The following SPIC variants were observed in gnomAD, a reference collection of about 807,000 sequenced individuals.
The protein encoded by SPIC is Spi-C transcription factor, also known as transcription factor Spi-C.
A neutral mutation model predicts 16.7 loss-of-function variants in SPIC; 9 were observed. That is an observed-to-expected ratio of 0.54 (90% CI 0.33 to 0.94). The LOEUF is 0.94. SPIC is among the 40% of genes least tolerant of loss of function. The pLI is 0.03. For synonymous variants in SPIC, 97 were observed against 102.9 expected (o/e 0.94, Z 0.35); for missense variants, 241 against 285.8 (o/e 0.84, Z 1.13).
chr12:101,486,573 C>T lies in SPIC; in HGVS notation c.549C>T (p.Thr183=). 1 of 1,614,084 alleles carries T rather than the reference C, an allele frequency of 6.2e-7. No homozygotes were observed. Among genetic ancestry groups the T allele is most frequent in the South Asian group, 1.1e-5 (1 of 91,072 alleles). ...LRNYGRSGEI[T]KIRRKLTYQF... ...ATTACGGAAGAAGTGGGGAAATTACCAAAATCCGGAGGAAGCTGACTTACC... is the reference window on the plus strand; with the variant it reads ...ATTACGGAAGAAGTGGGGAAATTACTAAAATCCGGAGGAAGCTGACTTACC... Residue 183 remains threonine (T), a synonymous_variant, in exon 6 of 6, where the codon ACC becomes ACT. Coordinates refer to ENST00000551346, the MANE Select transcript of SPIC (RefSeq NM_152323.3).
At chr12:101,483,962 A>G (rs1213036625) in intron 5 of SPIC, among the ~76,000 whole-genome samples, 5 of 151,742 alleles carry the variant, frequency 3.3e-5, no homozygotes, top group African/African-American at 4.8e-5. Context: ...CCTCACCAAT[A>G]CATTTTATTT....
At chr12:101,481,142 G>T (rs1279160296) in intron 4 of SPIC, among the ~76,000 whole-genome samples, 1 of 151,988 alleles carries the variant, frequency 6.6e-6, no homozygotes, top group African/African-American at 2.4e-5. Context: ...GTAGAAGCTT[G>T]GGCTGCTTCT....
In SPIC at chr12:101,482,772, C is replaced by T. The variant is rs750625652; in HGVS notation, c.211-20C>T. On this transcript the variant is annotated intron_variant, in intron 4 of 5. Coordinates refer to ENST00000551346, the MANE Select transcript of SPIC (RefSeq NM_152323.3). ...AACAGGGAAAGTCTCACTTAACATC[C>T]TGCTTCATTATTTATATAGAACAGT... 5 of 1,592,374 alleles carry T rather than the reference C, an allele frequency of 3.1e-6. No individual in the cohort carries two copies. Among genetic ancestry groups the T allele is most frequent in the Non-Finnish European group, 8.6e-7 (1 of 1,169,260 alleles).
chr12:101,479,567 C>A lies in SPIC; in HGVS notation c.98-15C>A, dbSNP rs377347931. The A allele has an allele frequency of 2.8e-5, 45 of 1,601,738 alleles. No individual in the cohort carries two copies. In the African/African-American group the frequency reaches 5.9e-4, roughly 21 times the overall value. On this transcript the variant is annotated splice_polypyrimidine_tract_variant and intron_variant, in intron 3 of 5. Transcript: ENST00000551346. ...ACTTTGACTTTTTTAGTTTCTTTCT[C>A]TGATTTAAAATTAGATTACAGAAAT... is the stretch of plus-strand genomic sequence containing the variant.
At chr12:101,480,535 A>G (rs564267457) in intron 4 of SPIC, among the ~76,000 whole-genome samples, 1 of 152,248 alleles carries the variant, frequency 6.6e-6, no homozygotes, top group Admixed American at 6.5e-5. Flanking sequence ...TTCTTCATGC[A>G]TCCATTTTAT....
intron 3 of SPIC, among the ~76,000 whole-genome samples, chr12:101,479,240 GAAA>G (rs1268905321): frequency 2.0e-4 from 11 of 56,308 alleles, no homozygotes; most frequent in South Asian, 5.8e-4. Context: ...AAGAAAGAAA[GAAA>G]AAGAAAGAAA....
intron 5 of SPIC, among the ~76,000 whole-genome samples, chr12:101,484,807 G>A (rs1453754358): frequency 1.3e-5 from 2 of 151,644 alleles, no homozygotes; most frequent in Non-Finnish European, 2.9e-5. Flanking sequence ...GGCAGAGGTT[G>A]CAGTGAGCCA....
rs200820966 is a variant in SPIC at position 101,479,576 on chromosome 12, A to T, written c.98-6A>T. 192 of 1,607,898 alleles carry T rather than the reference A, an allele frequency of 1.2e-4. 1 individual carries two copies. The African/African-American group carries it at 1.6e-3, about 13-fold the overall frequency. On this transcript the variant is annotated splice_polypyrimidine_tract_variant and splice_region_variant and intron_variant, in intron 3 of 5. Coordinates refer to ENST00000551346, the MANE Select transcript of SPIC (RefSeq NM_152323.3). ...TTTTTAGTTTCTTTCTCTGATTTAA[A>T]ATTAGATTACAGAAATTACCTGGCT...
At chr12:101,477,108 A>G (rs2121239108) in intron 2 of SPIC, among the ~76,000 whole-genome samples, 1 of 152,290 alleles carries the variant, frequency 6.6e-6, no homozygotes, top group South Asian at 2.1e-4. Context: ...TTAAACAACA[A>G]TTCATAGGTT....
chr12:101,478,689 C>A (rs1166755059), intron 3 of SPIC, among the ~76,000 whole-genome samples: 1 of 152,150 alleles, frequency 6.6e-6, no homozygotes, highest in Non-Finnish European at 1.5e-5. Flanking sequence ...ATCTTATAGA[C>A]CTTCCACCCA....
intron 3 of SPIC, 32 bp from the exon 4 acceptor site, chr12:101,479,549 CT>C: frequency 3.2e-6 from 5 of 1,564,176 alleles, no homozygotes; most frequent in Non-Finnish European, 3.5e-6. Context: ...CAAACTTTGA[CT>C]TTTTTAGTTT....
intron 4 of SPIC, 76 bp from the exon 5 acceptor site, chr12:101,482,716 T>C: frequency 2.9e-6 from 4 of 1,398,406 alleles, no homozygotes; most frequent in Non-Finnish European, 3.9e-6. Flanking sequence ...CTTTTTCCCC[T>C]AACTTTTGAC....
intron 3 of SPIC, among the ~76,000 whole-genome samples, chr12:101,478,642 T>G (rs1326396879): frequency 6.6e-6 from 1 of 152,246 alleles, no homozygotes; most frequent in Non-Finnish European, 1.5e-5. Context: ...CAGTTCATTT[T>G]AACTATTCAC....
At position 101,486,396 on chromosome 12, in the gene SPIC, G is replaced by A; in HGVS notation, c.372G>A (p.Pro124=). The change falls in exon 6 of 6, where the codon CCG becomes CCA. Residue 124 remains proline (P), a synonymous_variant. Coordinates refer to ENST00000551346, the MANE Select transcript of SPIC (RefSeq NM_152323.3). ...ACCTTCACGAATCCCTGTATAATCCGGAGATGGCATCTTGTATTCAGTGGG... is the reference window on the plus strand; with the variant it reads ...ACCTTCACGAATCCCTGTATAATCCAGAGATGGCATCTTGTATTCAGTGGG... ...FEYLHESLYN[P]EMASCIQWVD... 1.2e-6 allele frequency: 2 copies of A among 1,613,928 alleles called. No individual in the cohort carries two copies. Among genetic ancestry groups the A allele is most frequent in the Non-Finnish European group, 1.7e-6 (2 of 1,179,970 alleles).
intron 3 of SPIC, among the ~76,000 whole-genome samples, chr12:101,479,307 A>AGAAAG (rs1555209046): frequency 0.13 from 11,384 of 87,826 alleles, 1,573 homozygotes; most frequent in Non-Finnish European, 0.15. Flanking sequence ...AAAGAAAGAA[A>AGAAAG]AAAGAAAGAA....
rs762883614 is a variant in SPIC, at chr12:101,482,426, C to T, written c.211-366C>T. ...CATTACTTATTTTATTTTATCTTCC[C>T]AGCTGCCTACTGACATCTTTCTTTT... On this transcript the variant is annotated intron_variant, in intron 4 of 5. Coordinates refer to ENST00000551346, the MANE Select transcript of SPIC (RefSeq NM_152323.3). Among the ~76,000 whole-genome samples, 49 of 152,008 alleles carry T rather than the reference C, an allele frequency of 3.2e-4. 1 individual carries two copies. The highest frequency in any genetic ancestry group is 4.9e-4 in the Non-Finnish European group (33 of 68,004).
chr12:101,479,099 C>T (rs534224522), intron 3 of SPIC, among the ~76,000 whole-genome samples: 28 of 143,128 alleles, frequency 2.0e-4, no homozygotes, highest in African/African-American at 5.5e-4. Flanking sequence ...ATAACGTGGC[C>T]GCACTCCAGC....
intron 3 of SPIC, among the ~76,000 whole-genome samples, chr12:101,479,274 GA>G (rs1565831258): frequency 9.4e-5 from 8 of 85,082 alleles, no homozygotes; most frequent in African/African-American, 4.5e-4. Flanking sequence ...AAGAAAGAAA[GA>G]AAGAAAGAAA....
intron 3 of SPIC, among the ~76,000 whole-genome samples, chr12:101,479,222 A>AGAC (rs1873076401): frequency 3.1e-5 from 3 of 97,186 alleles, no homozygotes; most frequent in Non-Finnish European, 6.7e-5. Context: ...GAAAGAAAGA[A>AGAC]GGAAAGAAAG....
Sources: allele counts gnomAD v4.1 joint callset (sites outside exome capture counted in the v4.1 genomes callset), GRCh38; gene constraint gnomAD v4.1.1; transcripts MANE v1.5; gene names NCBI Gene and HGNC (gene_info 2026-07-23, HGNC 2026-07-21).